The following FRMD4A variants were observed in gnomAD, a reference collection of about 807,000 sequenced individuals.
FRMD4A encodes FERM domain-containing protein 4A.
FRMD4A carries 29 observed loss-of-function variants against 129.1 expected under a neutral mutation model. That is an observed-to-expected ratio of 0.22 (90% confidence interval 0.17 to 0.31). The LOEUF (loss-of-function observed/expected upper bound fraction) is 0.31, where lower values mean the gene tolerates loss of function less well. Ranked by LOEUF, FRMD4A falls within the 10% of genes least tolerant of loss-of-function variation. The pLI is 1.00. For missense variants in FRMD4A, 1,272 were observed against 1,375.8 expected (o/e 0.92, Z 1.19); for synonymous variants, 634 against 571.6 (o/e 1.11, Z -1.56).
intron 15 of FRMD4A, chr10:13,693,421 A>C: frequency 1.4e-6 from 1 of 729,088 alleles, no homozygotes. Context: ...GAATGGAGAA[A>C]TCATGCCCTG....
intron 13 of FRMD4A, among the ~76,000 whole-genome samples, chr10:13,703,847 A>G (rs1325364756): frequency 6.6e-6 from 1 of 152,194 alleles, no homozygotes; most frequent in Admixed American, 6.5e-5. Context: ...TCTACTAAAA[A>G]TAAAAAAATT....
intron 2 of FRMD4A, among the ~76,000 whole-genome samples, chr10:14,170,557 A>G (rs1841423609): frequency 6.6e-6 from 1 of 152,218 alleles, no homozygotes; most frequent in Admixed American, 6.5e-5. Flanking sequence ...CTGGGAAGTT[A>G]GGTGATTGTA....
chr10:13,736,571 A>AT (rs371835927), intron 12 of FRMD4A, among the ~76,000 whole-genome samples: 10 of 152,250 alleles, frequency 6.6e-5, no homozygotes, highest in African/African-American at 2.4e-4. Context: ...ACATGGGAAC[A>AT]TTTTTTCTTC....
chr10:13,901,778 G>A (rs558233365), intron 2 of FRMD4A, among the ~76,000 whole-genome samples: 5 of 152,154 alleles, frequency 3.3e-5, no homozygotes, highest in African/African-American at 1.2e-4. Context: ...TAAGAGCCCC[G>A]GGACCTCCCA....
rs190945867 is a variant in FRMD4A, at chr10:14,048,769, G to C, written c.46-189857C>G. Among the ~76,000 whole-genome samples, 117 of 151,906 alleles carry C rather than the reference G, an allele frequency of 7.7e-4. 1 individual carries two copies. The highest frequency in any genetic ancestry group is 7.2e-3 in the Admixed American group (110 of 15,226). On this transcript the variant is annotated intron_variant, in intron 2 of 24. Transcript: ENST00000357447. The stretch of plus-strand genomic sequence containing the variant: ...TGCAGTGAGCTGAGATCGCACCACC[G>C]CACTCCAGCCTGGGTGACAGAGCGA...
intron 2 of FRMD4A, among the ~76,000 whole-genome samples, chr10:14,058,227 T>C (rs1481811249): frequency 6.6e-6 from 1 of 152,218 alleles, no homozygotes; most frequent in Non-Finnish European, 1.5e-5. Flanking sequence ...GCTATCTTTA[T>C]ACTGAATTCA....
intron 2 of FRMD4A, among the ~76,000 whole-genome samples, chr10:14,103,744 C>T (rs1052726516): frequency 4.6e-5 from 7 of 152,124 alleles, no homozygotes; most frequent in South Asian, 4.1e-4. Flanking sequence ...TTCACTTGCC[C>T]GCCCTATGGC....
intron 2 of FRMD4A, among the ~76,000 whole-genome samples, chr10:13,861,268 C>T (rs1017591351): frequency 2.6e-5 from 4 of 152,198 alleles, no homozygotes; most frequent in African/African-American, 9.7e-5. Context: ...AAACAAATAA[C>T]AAGAAAAGAT....
chr10:13,888,026 T>C (rs1294386893), intron 2 of FRMD4A, among the ~76,000 whole-genome samples: 1 of 152,210 alleles, frequency 6.6e-6, no homozygotes, highest in Non-Finnish European at 1.5e-5. Context: ...GAAGAGAGCA[T>C]TGAAACCGTC....
In FRMD4A at chr10:13,660,381, C is replaced by G; in HGVS notation, c.1833G>C (p.Trp611Cys). The G allele has an allele frequency of 6.2e-7, 1 of 1,614,142 alleles. No individual in the cohort carries two copies. Among genetic ancestry groups the G allele is most frequent in the Non-Finnish European group, 8.5e-7 (1 of 1,180,002 alleles). The change falls in exon 20 of 25, where the codon TGG (tryptophan) becomes TGC (cysteine). Residue 611 changes from tryptophan (W) to cysteine (C), a missense_variant. Trp to Cys is a radical substitution (Grantham distance 215). Transcript: ENST00000357447. The part of the protein sequence containing the change: ...YDKSPIKPKM[W>C]SESSLDEPYE... ...AGGGTTCATCTAAAGAGGACTCACT[C>G]CACATTTTGGGCTTGATGGGTGACT... is the stretch of plus-strand genomic sequence containing the variant.
At chr10:14,059,192 A>G (rs1481128213) in intron 2 of FRMD4A, among the ~76,000 whole-genome samples, 1 of 152,222 alleles carries the variant, frequency 6.6e-6, no homozygotes, top group East Asian at 1.9e-4. Flanking sequence ...GTATGTAAAT[A>G]AAATCACGTG....
chr10:13,666,723 T>C (rs1008874944), intron 17 of FRMD4A, among the ~76,000 whole-genome samples: 1 of 152,074 alleles, frequency 6.6e-6, no homozygotes, highest in Non-Finnish European at 1.5e-5. Flanking sequence ...TTTTAGTTTC[T>C]TTATGCCATT....
intron 2 of FRMD4A, among the ~76,000 whole-genome samples, chr10:13,860,024 T>C (rs1218199878): frequency 6.6e-6 from 1 of 152,212 alleles, no homozygotes; most frequent in African/African-American, 2.4e-5. Flanking sequence ...CAACTGGCTT[T>C]CTGGAAGGAA....
intron 2 of FRMD4A, among the ~76,000 whole-genome samples, chr10:13,928,825 G>T (rs2095163516): frequency 6.6e-6 from 1 of 152,152 alleles, no homozygotes; most frequent in South Asian, 2.1e-4. Flanking sequence ...AGTTACAGGG[G>T]ACTTCTTCCA....
chr10:14,186,357 C>G (rs1396717857), intron 2 of FRMD4A, among the ~76,000 whole-genome samples: 1 of 152,166 alleles, frequency 6.6e-6, no homozygotes, highest in Non-Finnish European at 1.5e-5. Flanking sequence ...GAAGAGATAA[C>G]TGCTCATGCC....
At chr10:13,825,941 G>A (rs1423569196) in intron 3 of FRMD4A, among the ~76,000 whole-genome samples, 1 of 152,188 alleles carries the variant, frequency 6.6e-6, no homozygotes, top group African/African-American at 2.4e-5. Context: ...GGATAACTGT[G>A]CTGTGATTCT....
intron 3 of FRMD4A, among the ~76,000 whole-genome samples, chr10:13,825,574 C>T (rs1423808679): frequency 6.6e-6 from 1 of 152,166 alleles, no homozygotes; most frequent in Non-Finnish European, 1.5e-5. Flanking sequence ...TTGCCCCTCC[C>T]CACCCTGGTC....
intron 2 of FRMD4A, among the ~76,000 whole-genome samples, chr10:13,924,724 G>C (rs1400647570): frequency 6.6e-6 from 1 of 152,016 alleles, no homozygotes; most frequent in South Asian, 2.1e-4. Flanking sequence ...GCATGGGCAC[G>C]GACATGTTTT....
At chr10:13,947,605 C>T (rs1028543184) in intron 2 of FRMD4A, among the ~76,000 whole-genome samples, 7 of 148,532 alleles carry the variant, frequency 4.7e-5, no homozygotes, top group East Asian at 2.0e-4. Context: ...CACACACACA[C>T]GTGCACACAC....
Sources: gnomAD v4.1 joint callset for allele counts (sites outside exome capture counted in the v4.1 genomes callset) on GRCh38, gnomAD v4.1.1 for gene constraint, MANE v1.5 for transcripts, NCBI Gene and HGNC (gene_info 2026-07-23, HGNC 2026-07-21) for gene names.